Variants in KLHL32 observed in about 807,000 individuals in gnomAD.
The protein encoded by KLHL32 is kelch like family member 32.
In KLHL32, 35 loss-of-function variants were observed where a neutral mutation model predicts 64.8. That is an observed-to-expected ratio of 0.54 (90% CI 0.41 to 0.72). KLHL32 has a LOEUF of 0.72. Among genes scored for constraint, KLHL32 ranks in the 30% least tolerant of loss-of-function variants. The probability of loss-of-function intolerance (pLI) is 0.00; values close to 1 mark genes in which losing one functional copy is unlikely to be tolerated. For missense variants in KLHL32, 589 were observed against 768.5 expected (o/e 0.77, Z 2.76); for synonymous variants, 259 against 281.0 (o/e 0.92, Z 0.78).
chr6:97,016,818 C>T (rs761468821), intron 3 of KLHL32, among the ~76,000 whole-genome samples: 25 of 152,086 alleles, frequency 1.6e-4, no homozygotes, highest in Non-Finnish European at 2.8e-4. Flanking sequence ...TTGGATCCTG[C>T]GGTTGGTTTA....
intron 3 of KLHL32, among the ~76,000 whole-genome samples, chr6:96,981,198 C>A (rs1309962944): frequency 6.6e-6 from 1 of 152,094 alleles, no homozygotes; most frequent in Non-Finnish European, 1.5e-5. Context: ...TAAAGCCAAA[C>A]CATATCAGTA....
At chr6:96,993,353 G>T (rs1778099290) in intron 3 of KLHL32, among the ~76,000 whole-genome samples, 1 of 152,150 alleles carries the variant, frequency 6.6e-6, no homozygotes, top group Non-Finnish European at 1.5e-5. Context: ...TAGGCTGTTG[G>T]TTGGGGTGGT....
chr6:97,132,507 G>T, intron 9 of KLHL32, 146 bp from the exon 10 acceptor site: 1 of 621,864 alleles, frequency 1.6e-6, no homozygotes, highest in South Asian at 1.8e-5. Flanking sequence ...CTGAGTACTG[G>T]GAGGCAGTGA....
At chr6:97,037,049 A>T (rs1343669685) in intron 3 of KLHL32, among the ~76,000 whole-genome samples, 1 of 152,240 alleles carries the variant, frequency 6.6e-6, no homozygotes, top group African/African-American at 2.4e-5. Flanking sequence ...AGTTAAGTAC[A>T]TTATGAATGT....
At chr6:97,093,655 A>G (rs956885241) in intron 6 of KLHL32, among the ~76,000 whole-genome samples, 1 of 151,096 alleles carries the variant, frequency 6.6e-6, no homozygotes, top group Non-Finnish European at 1.5e-5. Context: ...TGTCTCCAAT[A>G]AAGTCGTACA....
chr6:96,924,574 A>C (rs1465622636), upstream of KLHL32: 11 of 92,166 alleles, frequency 1.2e-4, no homozygotes, highest in African/African-American at 4.8e-4. Flanking sequence ...GGGGAGGGGG[A>C]GGGAGCGCGC....
intron 3 of KLHL32, among the ~76,000 whole-genome samples, chr6:97,026,305 G>A (rs1029435619): frequency 2.6e-5 from 4 of 151,966 alleles, no homozygotes; most frequent in South Asian, 2.1e-4. Context: ...CCAGGAGTTC[G>A]AGGTTGCAGT....
chr6:97,032,945 T>A (rs1005295278), intron 3 of KLHL32, among the ~76,000 whole-genome samples: 11 of 150,530 alleles, frequency 7.3e-5, no homozygotes, highest in African/African-American at 2.0e-4. Context: ...TTTTTTTTTT[T>A]ATCTATAGCC....
chr6:96,969,794 T>C, intron 2 of KLHL32, among the ~76,000 whole-genome samples: 1 of 152,224 alleles, frequency 6.6e-6, no homozygotes, highest in East Asian at 1.9e-4. Flanking sequence ...TCTATGCAGA[T>C]GAGTCTCAGA....
intron 6 of KLHL32, 51 bp from the exon 7 acceptor site, chr6:97,113,728 TTCTC>T (rs1398761753): frequency 6.3e-7 from 1 of 1,574,884 alleles, no homozygotes; most frequent in Non-Finnish European, 8.6e-7. Context: ...TGCTGTTGCT[TTCTC>T]TTTCTTTCTT....
intron 6 of KLHL32, among the ~76,000 whole-genome samples, chr6:97,103,839 T>G (rs923642799): frequency 2.6e-5 from 4 of 152,220 alleles, no homozygotes; most frequent in African/African-American, 4.8e-5. Flanking sequence ...ACCTGTGACT[T>G]GGGTACTAGA....
chr6:97,125,628 T>G (rs1048297783), intron 7 of KLHL32, among the ~76,000 whole-genome samples: 3 of 152,162 alleles, frequency 2.0e-5, no homozygotes, highest in Non-Finnish European at 4.4e-5. Flanking sequence ...ATTTCTGAGT[T>G]GACAATTTTG....
intron 4 of KLHL32, chr6:97,062,431 T>C (rs1018318866): frequency 3.9e-5 from 6 of 152,212 alleles, no homozygotes; most frequent in South Asian, 2.1e-4. Flanking sequence ...CCTTGAGGAG[T>C]TGGCGAAAGA....
intron 3 of KLHL32, among the ~76,000 whole-genome samples, chr6:96,991,199 G>A (rs1296956616): frequency 2.6e-5 from 4 of 151,940 alleles, no homozygotes; most frequent in African/African-American, 9.7e-5. Context: ...CACTGGCGGT[G>A]GCAGAGGGTC....
chr6:97,126,736 A>G (rs1798917406), intron 7 of KLHL32, among the ~76,000 whole-genome samples: 1 of 152,194 alleles, frequency 6.6e-6, no homozygotes, highest in Non-Finnish European at 1.5e-5. Flanking sequence ...AAAGAATATG[A>G]AATATATAAA....
chr6:97,021,692 T>C (rs1782006532), intron 3 of KLHL32, among the ~76,000 whole-genome samples: 1 of 150,896 alleles, frequency 6.6e-6, no homozygotes, highest in Non-Finnish European at 1.5e-5. Flanking sequence ...CCAGAGATGA[T>C]GACTGACAAA....
At chr6:97,136,668 TA>T (rs746642719) in intron 10 of KLHL32, among the ~76,000 whole-genome samples, 67 of 152,338 alleles carry the variant, frequency 4.4e-4, no homozygotes, top group African/African-American at 7.5e-4. Flanking sequence ...CATTTACTAT[TA>T]TTTTTTTTGG....
At chr6:96,987,018 C>T (rs9487667) in intron 3 of KLHL32, among the ~76,000 whole-genome samples, 5,037 of 152,256 alleles carry the variant, frequency 0.033, 297 homozygotes, top group African/African-American at 0.11. Flanking sequence ...TGGCTCCACC[C>T]CCCAGTAGTT....
intron 3 of KLHL32, among the ~76,000 whole-genome samples, chr6:97,013,135 T>A (rs1272480592): frequency 9.2e-5 from 14 of 152,230 alleles, no homozygotes; most frequent in Non-Finnish European, 1.5e-4. Flanking sequence ...GCTCTTAAAA[T>A]AATTGTACAT....
Sources: gnomAD v4.1 joint callset for allele counts (sites outside exome capture counted in the v4.1 genomes callset) on GRCh38, gnomAD v4.1.1 for gene constraint, MANE v1.5 for transcripts, NCBI Gene and HGNC (gene_info 2026-07-23, HGNC 2026-07-21) for gene names.